Variants in HAUS1 observed in about 807,000 individuals in gnomAD.
The protein encoded by HAUS1 is HAUS augmin-like complex subunit 1.
Under a neutral mutation model 38.6 loss-of-function variants are expected in HAUS1, and 25 were observed. The observed-to-expected ratio is 0.65, with a 90% CI of 0.47 to 0.91. The LOEUF (loss-of-function observed/expected upper bound fraction) is 0.91. Among genes scored for constraint, HAUS1 ranks in the 40% least tolerant of loss-of-function variants. HAUS1 has a pLI of 0.00. For synonymous variants in HAUS1, 109 were observed against 112.9 expected (o/e 0.97, Z 0.22); for missense variants, 325 against 328.4 (o/e 0.99, Z 0.08).
Position 46,104,456 on chromosome 18 carries a change from A to T in HAUS1, c.30+15A>T. The T allele has an allele frequency of 6.8e-7, 1 of 1,465,626 alleles. No homozygotes were observed. The highest frequency in any genetic ancestry group is 9.1e-7 in the Non-Finnish European group (1 of 1,098,772). 90.8% of individuals were successfully genotyped at this position (1,465,626 alleles called of 1,614,324 possible). On this transcript the variant is annotated intron_variant, in intron 1 of 8. Coordinates refer to ENST00000282058, the MANE Select transcript of HAUS1 (RefSeq NM_138443.4). ...GAGAAACGCAGGTGATGGGGCGGGA[A>T]TGGGGATCGTTGGCCTCCTGGAAAA...
intron 4 of HAUS1, among the ~76,000 whole-genome samples, chr18:46,121,156 T>TCACCC (rs1371477436): frequency 1.3e-5 from 2 of 152,156 alleles, no homozygotes; most frequent in African/African-American, 4.8e-5. Context: ...CACTGTCATG[T>TCACCC]CACGTTTATT....
chr18:46,127,480 T>C (rs1202198304), intron 8 of HAUS1, among the ~76,000 whole-genome samples: 2 of 151,372 alleles, frequency 1.3e-5, no homozygotes, highest in African/African-American at 4.9e-5. Context: ...GCCAAGTGGG[T>C]GGATCAAAAG....
At chr18:46,126,572 G>C (rs1912110965) in intron 8 of HAUS1, 1 of 151,686 alleles carries the variant, frequency 6.6e-6, no homozygotes. Flanking sequence ...ACAGAAAGCT[G>C]CTGTGTGTTT....
chr18:46,111,842 T>C (rs1332580946), intron 2 of HAUS1, among the ~76,000 whole-genome samples: 5 of 151,990 alleles, frequency 3.3e-5, no homozygotes, highest in African/African-American at 1.2e-4. Flanking sequence ...TGCTTAATGG[T>C]GTTCCACATT....
chr18:46,110,997 C>T (rs1911618272), intron 2 of HAUS1, among the ~76,000 whole-genome samples: 1 of 151,226 alleles, frequency 6.6e-6, no homozygotes, highest in Admixed American at 6.6e-5. Context: ...GTGCCTCAGC[C>T]TCCTGGGTAG....
intron 5 of HAUS1, among the ~76,000 whole-genome samples, chr18:46,123,005 A>G (rs1013932584): frequency 2.0e-5 from 3 of 152,024 alleles, no homozygotes; most frequent in Non-Finnish European, 4.4e-5. Context: ...AGGTCAGGAG[A>G]TCGAGACCAT....
intron 2 of HAUS1, among the ~76,000 whole-genome samples, chr18:46,108,886 A>G (rs368319105): frequency 2.0e-5 from 3 of 152,138 alleles, no homozygotes; most frequent in East Asian, 3.9e-4. Context: ...CCTGGCTAAC[A>G]CGGTGAAATC....
At chr18:46,123,110 C>CT (rs540185464) in intron 5 of HAUS1, 189 bp from the exon 6 acceptor site, 5 of 513,128 alleles carry the variant, frequency 9.7e-6, no homozygotes, top group Non-Finnish European at 1.8e-5. Context: ...ACTCAGGAGG[C>CT]TGAGGCAGGA....
chr18:46,119,979 A>G lies in HAUS1; in HGVS notation c.395A>G (p.Lys132Arg), dbSNP rs764753837. 1 of 1,609,912 alleles carries G rather than the reference A, an allele frequency of 6.2e-7. No individual in the cohort carries two copies. Among genetic ancestry groups the G allele is most frequent in the Admixed American group, 1.7e-5 (1 of 59,238 alleles). ...TCTGATCTCTTTCGTACCAAATCCAAAAGTGAAGAAATCAAGATTGAACTG... is the reference window on the plus strand; with the variant it reads ...TCTGATCTCTTTCGTACCAAATCCAGAAGTGAAGAAATCAAGATTGAACTG... ...LTSDLFRTKSKSEEIKIELEK... is the reference protein window; with the variant it reads ...LTSDLFRTKSRSEEIKIELEK... Residue 132 changes from lysine (K) to arginine (R), a missense_variant, in exon 4 of 9, where the codon AAA (lysine) becomes AGA (arginine). Transcript: ENST00000282058.
At chr18:46,108,049 A>T (rs2144244491) in intron 2 of HAUS1, among the ~76,000 whole-genome samples, 1 of 152,214 alleles carries the variant, frequency 6.6e-6, no homozygotes, top group South Asian at 2.1e-4. Context: ...AACTATTGAA[A>T]CTATTCATTC....
intron 6 of HAUS1, among the ~76,000 whole-genome samples, chr18:46,123,925 A>C (rs183585343): frequency 5.3e-4 from 80 of 152,208 alleles, no homozygotes; most frequent in African/African-American, 1.9e-3. Context: ...TTATAAATAG[A>C]GATGGGGGTC....
chr18:46,121,431 G>GT (rs1282054802), intron 4 of HAUS1, among the ~76,000 whole-genome samples: 1 of 151,952 alleles, frequency 6.6e-6, no homozygotes, highest in East Asian at 1.9e-4. Context: ...GTCACATTTA[G>GT]TACAGAGGTA....
intron 7 of HAUS1, 104 bp from the exon 8 acceptor site, chr18:46,125,640 C>A: frequency 1.4e-6 from 1 of 715,846 alleles, no homozygotes; most frequent in Non-Finnish European, 2.4e-6. Context: ...TTGGGTATCC[C>A]TCTGGGAGGA....
chr18:46,118,386 A>G, intron 3 of HAUS1, 70 bp downstream of exon 3: 1 of 1,448,948 alleles, frequency 6.9e-7, no homozygotes, highest in Non-Finnish European at 9.5e-7. Flanking sequence ...TTTTGTTCTC[A>G]GCATAATTCT....
At position 46,125,790 on chromosome 18, in the gene HAUS1, T is replaced by C; in HGVS notation, c.785T>C (p.Leu262Pro). 1 of 1,582,520 alleles carries C rather than the reference T, an allele frequency of 6.3e-7. No homozygotes were observed. Among genetic ancestry groups the C allele is most frequent in the Non-Finnish European group, 8.7e-7 (1 of 1,155,832 alleles). ...AAAATTGAAGAAGCAAAGCGAGAACTAGTAAGTAGTTCCTGTAATTTTTTC... is the reference window on the plus strand; with the variant it reads ...AAAATTGAAGAAGCAAAGCGAGAACCAGTAAGTAGTTCCTGTAATTTTTTC... ...QVKIEEAKRE[L>P]DSIEAELTRR... Residue 262 changes from leucine to proline, a missense_variant and splice_region_variant, in exon 8 of 9, where the codon CTA becomes CCA. By Grantham distance (98) the Leu-to-Pro change is moderately conservative. Transcript: ENST00000282058.
chr18:46,118,152 G>A, intron 2 of HAUS1, 29 bp from the exon 3 acceptor site: 1 of 1,607,466 alleles, frequency 6.2e-7, no homozygotes, highest in East Asian at 2.2e-5. Context: ...AAAGCAAACA[G>A]TCACTATGGA....
chr18:46,114,990 A>G (rs1022660216), intron 2 of HAUS1: 7 of 152,038 alleles, frequency 4.6e-5, no homozygotes, highest in African/African-American at 1.5e-4. Context: ...GGTCAGCCCA[A>G]CTCCCACACT....
At position 46,105,280 on chromosome 18, in the gene HAUS1, C is replaced by T. The variant is rs1911429584; in HGVS notation, c.117C>T (p.His39=). ...CACGGACCACAGAGATTTTACATCA[C>T]CTTTCAGAACGCAACAGGGTCCGGG... ...VNPRTTEILH[H]LSERNRVRDR... is the part of the protein sequence containing the mutation. The change falls in exon 2 of 9, where the codon CAC becomes CAT. Residue 39 remains histidine (H), a synonymous_variant. Coordinates refer to ENST00000282058, the MANE Select transcript of HAUS1 (RefSeq NM_138443.4). The T allele has an allele frequency of 5.0e-6, 8 of 1,613,634 alleles. No homozygotes were observed. The highest frequency in any genetic ancestry group is 5.1e-6 in the Non-Finnish European group (6 of 1,179,714).
In HAUS1 at chr18:46,105,218, T is replaced by C. The variant is rs777154173; in HGVS notation, c.55T>C (p.Phe19Leu). 9.3e-6 allele frequency: 15 copies of C among 1,610,432 alleles called. No homozygotes were observed. The highest frequency in any genetic ancestry group is 1.2e-5 in the Non-Finnish European group (14 of 1,178,902). Residue 19 changes from phenylalanine (F) to leucine (L), a missense_variant, in exon 2 of 9, where the codon TTT (phenylalanine) becomes CTT (leucine). By Grantham distance (22) the Phe-to-Leu change is conservative. Transcript: ENST00000282058. ...TQVAAWLKKI[F>L]GDHPIPQYEV... is the part of the protein sequence containing the mutation. ...GGTTGCTGCGTGGTTAAAAAAAATA[T>C]TTGGAGATCATCCTATTCCACAGTA... is the stretch of plus-strand genomic sequence containing the variant.
Sources: allele counts gnomAD v4.1 joint callset (sites outside exome capture counted in the v4.1 genomes callset), GRCh38; gene constraint gnomAD v4.1.1; transcripts MANE v1.5; gene names NCBI Gene and HGNC (gene_info 2026-07-23, HGNC 2026-07-21).